The following MSN variants were observed in gnomAD, a reference collection of about 807,000 sequenced individuals.
MSN encodes moesin.
Under a neutral mutation model 48.0 loss-of-function variants are expected in MSN, and 2 were observed. The ratio of observed to expected loss-of-function variants is 0.04; its 90% CI spans 0.02 to 0.13. The LOEUF (loss-of-function observed/expected upper bound fraction) is 0.13, where lower values mean the gene tolerates loss of function less well. MSN is among the 10% of genes least tolerant of loss of function. The pLI is 1.00. For missense variants in MSN, 267 were observed against 470.1 expected, an observed-to-expected ratio of 0.57 and a Z score of 3.99; for synonymous variants, 146 against 166.9, an observed-to-expected ratio of 0.87 and a Z score of 0.97.
At chrX:65,653,672 A>G (rs73213348) in intron 1 of MSN, among the ~76,000 whole-genome samples, 2,013 of 109,623 alleles carry the variant, frequency 0.018, 19 homozygotes, top group Non-Finnish European at 0.026. Context: ...TATGGATAAC[A>G]TACACATGGC....
rs61078176 is a variant in MSN, at chrX:65,694,588, A to C, written c.13-22230A>C. Reference sequence around the variant, plus strand: ...AAGTAATCCACCCGCCTCAGCCTCCAAAAGTGCTGGGATTACAGGCGTGAG... The same window carrying C: ...AAGTAATCCACCCGCCTCAGCCTCCCAAAGTGCTGGGATTACAGGCGTGAG... On this transcript the variant is annotated intron_variant, in intron 1 of 12. Coordinates refer to ENST00000360270, the MANE Select transcript of MSN (RefSeq NM_002444.3). Among the ~76,000 whole-genome samples, 509 of 110,778 alleles carry C rather than the reference A, an allele frequency of 4.6e-3. 3 individuals carry two copies. Among genetic ancestry groups the C allele is most frequent in the African/African-American group, 0.016 (489 of 30,453 alleles).
chrX:65,648,699 C>T (rs1218577621), intron 1 of MSN, among the ~76,000 whole-genome samples: 1 of 109,704 alleles, frequency 9.1e-6, no homozygotes, highest in Non-Finnish European at 1.9e-5. Context: ...GGTGAAACCC[C>T]GTCTCTACTA....
chrX:65,591,810 C>T (rs764694229), intron 1 of MSN, among the ~76,000 whole-genome samples: 1 of 111,209 alleles, frequency 9.0e-6, no homozygotes, highest in South Asian at 3.8e-4. Flanking sequence ...TTATATCTCC[C>T]TCTCAACTAG....
At chrX:65,622,239 C>T (rs1417253629) in intron 1 of MSN, among the ~76,000 whole-genome samples, 2 of 105,875 alleles carry the variant, frequency 1.9e-5, no homozygotes, top group Non-Finnish European at 3.9e-5. Context: ...GGATTACAGG[C>T]ACCTGCCACC....
chrX:65,595,671 C>T (rs1394225402), intron 1 of MSN, among the ~76,000 whole-genome samples: 1 of 112,413 alleles, frequency 8.9e-6, no homozygotes, highest in Non-Finnish European at 1.9e-5. Flanking sequence ...TGGGTGTGGC[C>T]TCTCCCTTTG....
At chrX:65,669,530 G>A (rs1394009620) in intron 1 of MSN, among the ~76,000 whole-genome samples, 3 of 111,977 alleles carry the variant, frequency 2.7e-5, no homozygotes, top group African/African-American at 9.7e-5. Flanking sequence ...AGACAAGACA[G>A]CGTGTTTATT....
At chrX:65,629,069 CAA>C (rs1246130053) in intron 1 of MSN, among the ~76,000 whole-genome samples, 20 of 70,483 alleles carry the variant, frequency 2.8e-4, no homozygotes, top group Admixed American at 6.7e-4. Flanking sequence ...GACTCCATCT[CAA>C]AAAAAAAAAA....
At chrX:65,739,688 G>A (rs745999615) in intron 12 of MSN, 41 bp from the exon 13 acceptor site, 8 of 1,167,614 alleles carry the variant, frequency 6.9e-6, no homozygotes, top group African/African-American at 1.8e-5. Context: ...GGTAAAATGA[G>A]AGAAAGCCAT....
At chrX:65,620,727 T>C (rs1369855040) in intron 1 of MSN, among the ~76,000 whole-genome samples, 4 of 111,615 alleles carry the variant, frequency 3.6e-5, no homozygotes, top group Middle Eastern at 4.6e-3. Context: ...CCATCTTGGC[T>C]CCTCCTCCTC....
At chrX:65,714,250 C>T (rs1275045180) in intron 1 of MSN, among the ~76,000 whole-genome samples, 1 of 111,920 alleles carries the variant, frequency 8.9e-6, no homozygotes, top group Non-Finnish European at 1.9e-5. Context: ...CATGTCATTG[C>T]TATTGTGAAT....
intron 1 of MSN, among the ~76,000 whole-genome samples, chrX:65,617,102 G>C (rs1183424611): frequency 9.4e-6 from 1 of 106,391 alleles, no homozygotes; most frequent in South Asian, 3.8e-4. Flanking sequence ...TGCTGGATTC[G>C]GTTTGCCAGT....
Position 65,739,854 on chromosome X carries a change from C to A in MSN, c.1695C>A (p.Gly565=), listed in dbSNP as rs2071717828. Reference sequence around the variant, plus strand: ...AGACCCTGCGCCAGATCCGGCAGGGCAACACCAAGCAGCGCATTGACGAAT... The same window carrying A: ...AGACCCTGCGCCAGATCCGGCAGGGAAACACCAAGCAGCGCATTGACGAAT... ...KYKTLRQIRQ[G]NTKQRIDEFE... Residue 565 remains glycine, a synonymous_variant, in exon 13 of 13, where the codon GGC becomes GGA. Transcript: ENST00000360270. 2.5e-6 allele frequency: 3 copies of A among 1,209,847 alleles called. No homozygotes were observed. In the East Asian group the frequency reaches 8.9e-5, roughly 36 times the overall value.
intron 2 of MSN, among the ~76,000 whole-genome samples, chrX:65,719,461 G>T (rs951269214): frequency 3.6e-5 from 4 of 111,958 alleles, no homozygotes; most frequent in Admixed American, 1.9e-4. Flanking sequence ...TGCCTCACCT[G>T]AGTATGATCA....
chrX:65,663,842 A>AG (rs1485074454), upstream of MSN, among the ~76,000 whole-genome samples: 1 of 110,426 alleles, frequency 9.1e-6, no homozygotes, highest in East Asian at 2.8e-4. Context: ...GCTGATCACA[A>AG]GGTCAGGAGA....
intron 1 of MSN, among the ~76,000 whole-genome samples, chrX:65,649,313 C>A (rs2070720535): frequency 9.8e-6 from 1 of 101,899 alleles, no homozygotes; most frequent in African/African-American, 3.5e-5. Flanking sequence ...CACCTGTAGT[C>A]CCAGCACTTT....
chrX:65,599,513 G>A (rs2070215586), intron 1 of MSN, among the ~76,000 whole-genome samples: 4 of 111,652 alleles, frequency 3.6e-5, no homozygotes, highest in Non-Finnish European at 7.5e-5. Flanking sequence ...TGTGCCTGTA[G>A]TCCCAACTAC....
At chrX:65,594,960 C>G (rs952310130) in intron 1 of MSN, among the ~76,000 whole-genome samples, 2 of 111,660 alleles carry the variant, frequency 1.8e-5, no homozygotes, top group African/African-American at 6.5e-5. Context: ...CCACCCTACA[C>G]CTCCAGCATG....
At chrX:65,688,843 C>A (rs1337027908) in intron 1 of MSN, among the ~76,000 whole-genome samples, 1 of 112,040 alleles carries the variant, frequency 8.9e-6, no homozygotes, top group African/African-American at 3.3e-5. Context: ...TGTCAGACCA[C>A]TGCCTTCAAG....
chrX:65,658,879 C>T (rs760662836), intron 1 of MSN, among the ~76,000 whole-genome samples: 1 of 108,797 alleles, frequency 9.2e-6, no homozygotes, highest in African/African-American at 3.4e-5. Context: ...AAGTCTTGCT[C>T]TGTCACCCAG....
Sources: gnomAD v4.1 joint callset for allele counts (sites outside exome capture counted in the v4.1 genomes callset) on GRCh38, gnomAD v4.1.1 for gene constraint, MANE v1.5 for transcripts, NCBI Gene and HGNC (gene_info 2026-07-23, HGNC 2026-07-21) for gene names.